The following GALK2 variants were observed in gnomAD, a reference collection of about 807,000 sequenced individuals.
GALK2 encodes the protein N-acetylgalactosamine kinase.
GALK2 carries 36 observed loss-of-function variants against 52.4 expected under a neutral mutation model. That is an observed-to-expected ratio of 0.69 (90% confidence interval 0.53 to 0.91). The LOEUF is 0.91. GALK2 is among the 40% of genes least tolerant of loss of function. The pLI is 0.00. For synonymous variants in GALK2, 176 were observed against 199.1 expected, an observed-to-expected ratio of 0.88 and a Z score of 0.98; for missense variants, 579 against 559.1, an observed-to-expected ratio of 1.04 and a Z score of -0.36.
downstream of GALK2, chr15:49,335,477 G>T: frequency 6.2e-7 from 1 of 1,613,156 alleles, no homozygotes; most frequent in Non-Finnish European, 8.5e-7. Flanking sequence ...ATAACATCAC[G>T]GTATGTTGGA....
chr15:49,301,053 T>C (rs1040622977), intron 8 of GALK2, among the ~76,000 whole-genome samples: 3 of 152,206 alleles, frequency 2.0e-5, no homozygotes, highest in African/African-American at 7.2e-5. Flanking sequence ...AAAAGGATTT[T>C]ATTTCCTCTT....
At chr15:49,290,083 G>A (rs531128850) in intron 7 of GALK2, among the ~76,000 whole-genome samples, 1 of 152,130 alleles carries the variant, frequency 6.6e-6, no homozygotes, top group African/African-American at 2.4e-5. Context: ...ATAACCTATA[G>A]CCCTGACTTA....
chr15:49,234,216 C>A (rs1037662024), intron 3 of GALK2, among the ~76,000 whole-genome samples: 13 of 152,094 alleles, frequency 8.5e-5, no homozygotes, highest in Admixed American at 3.3e-4. Flanking sequence ...TATTTATCTG[C>A]CTATTTTTCA....
chr15:49,365,710 C>T, intron 3 of GALK2: 1 of 905,972 alleles, frequency 1.1e-6, no homozygotes, highest in Non-Finnish European at 1.9e-6. Context: ...TAAATTCAGA[C>T]AGAAAGCAAT....
intron 1 of GALK2, chr15:49,161,767 A>G (rs1176641932): frequency 5.3e-6 from 1 of 188,334 alleles, no homozygotes; most frequent in Non-Finnish European, 1.1e-5. Flanking sequence ...TGCCCAGTCT[A>G]GAGTGCAGTG....
intron 5 of GALK2, among the ~76,000 whole-genome samples, chr15:49,258,248 G>C (rs1364673082): frequency 1.3e-5 from 2 of 152,060 alleles, no homozygotes; most frequent in Non-Finnish European, 2.9e-5. Context: ...GGAAAGAAGG[G>C]TGATGGAAAA....
chr15:49,339,788 T>A (rs968842033), intron 3 of GALK2, among the ~76,000 whole-genome samples: 1 of 152,226 alleles, frequency 6.6e-6, no homozygotes, highest in Non-Finnish European at 1.5e-5. Context: ...AGTCCCTGAT[T>A]GGGGCTGGTG....
intron 3 of GALK2, among the ~76,000 whole-genome samples, chr15:49,228,021 A>G (rs1173342337): frequency 1.3e-5 from 2 of 152,070 alleles, no homozygotes; most frequent in African/African-American, 4.8e-5. Flanking sequence ...GTCTTTTTCT[A>G]TCTACACTTT....
At chr15:49,304,097 C>A (rs924441494) in intron 8 of GALK2, among the ~76,000 whole-genome samples, 3 of 152,180 alleles carry the variant, frequency 2.0e-5, no homozygotes, top group Non-Finnish European at 2.9e-5. Flanking sequence ...TTGGAAACAT[C>A]TATAGGAAAG....
chr15:49,258,829 T>TGTGTGTGTGTGTGAGA (rs1335491479), intron 5 of GALK2, among the ~76,000 whole-genome samples: 2 of 124,046 alleles, frequency 1.6e-5, no homozygotes, highest in African/African-American at 6.4e-5. Flanking sequence ...TGTGTGTGTG[T>TGTGTGTGTGTGTGAGA]GAGAGAGAGA....
Position 49,299,738 on chromosome 15 carries a change from T to TTTCTTTCTTTCTTTC in GALK2, c.967+7201_967+7202insTTCTTTCTTTCTTTC, listed in dbSNP as rs2034844329. 2.0e-3 allele frequency among the ~76,000 whole-genome samples: 151 copies of TTTCTTTCTTTCTTTC among 76,452 alleles called. 4 individuals carry two copies. Among genetic ancestry groups the TTTCTTTCTTTCTTTC allele is most frequent in the African/African-American group, 7.6e-3 (148 of 19,386 alleles). 50.2% of individuals were successfully genotyped at this position (76,452 alleles called of 152,430 possible). A position where few individuals can be genotyped will look rare whatever the true frequency, so the allele number is the denominator to read the frequency against. On this transcript the variant is annotated intron_variant, in intron 8 of 9. Transcript: ENST00000560031. ...TCTTTCTTTCTTTCTTTCTTTCTTT[T>TTTCTTTCTTTCTTTC]CTTTCTTTCTTTCTTTCTTTCTTTC...
intron 5 of GALK2, among the ~76,000 whole-genome samples, chr15:49,268,076 AT>A (rs2092415964): frequency 6.6e-6 from 1 of 152,170 alleles, no homozygotes; most frequent in South Asian, 2.1e-4. Context: ...TTGACATTGT[AT>A]ATTCATTTGT....
chr15:49,225,944 A>G (rs1271834608), intron 3 of GALK2, among the ~76,000 whole-genome samples: 3 of 152,226 alleles, frequency 2.0e-5, no homozygotes, highest in Non-Finnish European at 4.4e-5. Flanking sequence ...TGTTCCTGTT[A>G]GAGCAGCTGG....
chr15:49,204,105 A>G (rs1247986188), intron 2 of GALK2, among the ~76,000 whole-genome samples: 1 of 142,564 alleles, frequency 7.0e-6, no homozygotes, highest in African/African-American at 2.8e-5. Flanking sequence ...TTCTGTCTCA[A>G]AAAAAAAAAA....
intron 1 of GALK2, among the ~76,000 whole-genome samples, chr15:49,183,744 G>A (rs1433737193): frequency 6.6e-6 from 1 of 151,940 alleles, no homozygotes; most frequent in Non-Finnish European, 1.5e-5. Flanking sequence ...TTGGGAGGCT[G>A]AGGCAGGAGA....
chr15:49,205,634 CT>C (rs2088215091), intron 2 of GALK2, among the ~76,000 whole-genome samples: 1 of 152,062 alleles, frequency 6.6e-6, no homozygotes, highest in African/African-American at 2.4e-5. Flanking sequence ...GACATTAGTC[CT>C]TTGTCAGATG....
chr15:49,283,679 T>G lies in GALK2; in HGVS notation c.717T>G (p.His239Gln). Residue 239 changes from histidine (H) to glutamine (Q), a missense_variant, in exon 7 of 10, where the codon CAT becomes CAG. His to Gln is a conservative substitution (Grantham distance 24). Coordinates refer to ENST00000560031, the MANE Select transcript of GALK2 (RefSeq NM_002044.4). ...CVEMNKAATS[H>Q]FNIRVMECRL... ...AGATGAATAAGGCAGCAACTTCCCATTTCAATATCAGGGTGATGGAGTGTC... is the reference window on the plus strand; with the variant it reads ...AGATGAATAAGGCAGCAACTTCCCAGTTCAATATCAGGGTGATGGAGTGTC... 1 of 1,614,092 alleles carries G rather than the reference T, an allele frequency of 6.2e-7. No homozygotes were observed. Among genetic ancestry groups the G allele is most frequent in the Middle Eastern group, 1.7e-4 (1 of 6,060 alleles).
At chr15:49,234,087 A>G (rs945753002) in intron 3 of GALK2, among the ~76,000 whole-genome samples, 1 of 152,190 alleles carries the variant, frequency 6.6e-6, no homozygotes, top group African/African-American at 2.4e-5. Context: ...TATAGTAGAT[A>G]TTTAGTCAGT....
At chr15:49,264,628 C>T (rs926570195) in intron 5 of GALK2, among the ~76,000 whole-genome samples, 1 of 152,152 alleles carries the variant, frequency 6.6e-6, no homozygotes, top group Non-Finnish European at 1.5e-5. Context: ...AACTGCGTTC[C>T]TTTGGAGGAG....
Sources: allele counts gnomAD v4.1 joint callset (sites outside exome capture counted in the v4.1 genomes callset), GRCh38; gene constraint gnomAD v4.1.1; transcripts MANE v1.5; gene names NCBI Gene and HGNC (gene_info 2026-07-23, HGNC 2026-07-21).